The following REDIC1 variants were observed in gnomAD, a reference collection of about 807,000 sequenced individuals.
REDIC1 encodes regulator of DNA class I crossover intermediates 1.
chr12:39,704,156 A>G, the REDIC1 span, among the ~76,000 whole-genome samples: 6 of 151,260 alleles, frequency 4.0e-5, no homozygotes, highest in Non-Finnish European at 8.9e-5. Flanking sequence ...ATGGGAGAAA[A>G]TTTTCGCATC....
At chr12:39,653,558 T>TTCTTCTTCTTCTTCTTCTTC in the REDIC1 span, among the ~76,000 whole-genome samples, 30 of 43,880 alleles carry the variant, frequency 6.8e-4, 7 homozygotes, top group East Asian at 5.5e-3. Flanking sequence ...CTTCTTCTTC[T>TTCTTCTTCTTCTTCTTCTTC]TTCTTCTTCT....
chr12:39,784,580 T>C, the REDIC1 span, among the ~76,000 whole-genome samples: 5 of 152,182 alleles, frequency 3.3e-5, no homozygotes, highest in Non-Finnish European at 7.3e-5. Context: ...TAATTCAAAA[T>C]GGATTAAATA....
At chr12:39,685,002 T>C in the REDIC1 span, 3 of 1,019,492 alleles carry the variant, frequency 2.9e-6, no homozygotes, top group East Asian at 7.5e-5. Context: ...TATTTAACGT[T>C]CACTTTGATT....
At chr12:39,700,572 G>A in the REDIC1 span, among the ~76,000 whole-genome samples, 11 of 151,888 alleles carry the variant, frequency 7.2e-5, no homozygotes, top group Non-Finnish European at 1.3e-4. Flanking sequence ...TCAGATTCAG[G>A]AAACAGAGAT....
the REDIC1 span, among the ~76,000 whole-genome samples, chr12:39,887,587 C>T: frequency 1.3e-5 from 2 of 152,182 alleles, no homozygotes; most frequent in South Asian, 4.1e-4. Flanking sequence ...AGATTTTGAG[C>T]AGGAGTTTTT....
At chr12:39,656,822 T>TA in the REDIC1 span, among the ~76,000 whole-genome samples, 6 of 152,154 alleles carry the variant, frequency 3.9e-5, no homozygotes, top group Non-Finnish European at 5.9e-5. Flanking sequence ...GGAAAACATT[T>TA]AAAAAAATTT....
At chr12:39,789,818 T>G in the REDIC1 span, among the ~76,000 whole-genome samples, 5 of 152,256 alleles carry the variant, frequency 3.3e-5, 1 homozygote, top group Non-Finnish European at 7.4e-5. Context: ...TTCACATATT[T>G]ATTGGCCATT....
chr12:39,672,771 G>A, the REDIC1 span, among the ~76,000 whole-genome samples: 3 of 152,176 alleles, frequency 2.0e-5, no homozygotes, highest in Non-Finnish European at 4.4e-5. Flanking sequence ...CATCTAGATG[G>A]ACATGGGAAA....
the REDIC1 span, among the ~76,000 whole-genome samples, chr12:39,695,977 C>A: frequency 1.3e-5 from 2 of 152,106 alleles, no homozygotes; most frequent in Middle Eastern, 3.2e-3. Context: ...AGAACATTTT[C>A]CCAGATGTTG....
the REDIC1 span, among the ~76,000 whole-genome samples, chr12:39,874,930 G>A: frequency 6.6e-6 from 1 of 152,186 alleles, no homozygotes; most frequent in Non-Finnish European, 1.5e-5. Context: ...ATGGAAAACA[G>A]TAAGGGGAGG....
chr12:39,665,110 C>T, the REDIC1 span, among the ~76,000 whole-genome samples: 304 of 152,104 alleles, frequency 2.0e-3, 1 homozygote, highest in African/African-American at 7.0e-3. Context: ...GCTTTTGTTG[C>T]CATTGCTTTT....
chr12:39,799,557 A>G, the REDIC1 span, among the ~76,000 whole-genome samples: 1 of 152,200 alleles, frequency 6.6e-6, no homozygotes, highest in East Asian at 1.9e-4. Context: ...TAAAGTAAAC[A>G]AGAAGATAGC....
At chr12:39,896,723 A>G in the REDIC1 span, among the ~76,000 whole-genome samples, 1 of 152,016 alleles carries the variant, frequency 6.6e-6, no homozygotes, top group Non-Finnish European at 1.5e-5. Context: ...ATTTTATAGT[A>G]TACCCTAATA....
At chr12:39,710,907 T>G in the REDIC1 span, among the ~76,000 whole-genome samples, 16 of 151,718 alleles carry the variant, frequency 1.1e-4, no homozygotes, top group East Asian at 2.7e-3. Flanking sequence ...TTTTTAATTT[T>G]TACCACAAGT....
At chr12:39,628,840 A>G in the REDIC1 span, among the ~76,000 whole-genome samples, 241 of 152,278 alleles carry the variant, frequency 1.6e-3, 3 homozygotes, top group African/African-American at 5.5e-3. Flanking sequence ...TGAAAATGCT[A>G]TGATTTATAT....
the REDIC1 span, among the ~76,000 whole-genome samples, chr12:39,754,647 G>C: frequency 6.6e-6 from 1 of 152,028 alleles, no homozygotes; most frequent in African/African-American, 2.4e-5. Flanking sequence ...CTGTCAACTG[G>C]CCTTCCAGCA....
the REDIC1 span, chr12:39,721,154 C>A: frequency 6.2e-7 from 1 of 1,613,544 alleles, no homozygotes; most frequent in Non-Finnish European, 8.5e-7. Context: ...TCAAAATGTA[C>A]ATGTAGAAGT....
At chr12:39,665,004 T>G in the REDIC1 span, among the ~76,000 whole-genome samples, 1 of 152,240 alleles carries the variant, frequency 6.6e-6, no homozygotes, top group African/African-American at 2.4e-5. Flanking sequence ...TGCAAAAATT[T>G]TCTCCCATTC....
the REDIC1 span, among the ~76,000 whole-genome samples, chr12:39,792,647 A>C: frequency 6.6e-6 from 1 of 152,260 alleles, no homozygotes; most frequent in Middle Eastern, 3.4e-3. Flanking sequence ...AAACCCACAC[A>C]TACTCAAGTC....
Sources: gnomAD v4.1 joint callset for allele counts (sites outside exome capture counted in the v4.1 genomes callset) on GRCh38, gnomAD v4.1.1 for gene constraint, MANE v1.5 for transcripts, NCBI Gene and HGNC (gene_info 2026-07-23, HGNC 2026-07-21) for gene names.